The following RNF213 variants were observed in gnomAD, a reference collection of about 807,000 sequenced individuals.
The protein encoded by RNF213 is ring finger protein 213.
RNF213 carries 341 observed loss-of-function variants against 514.4 expected under a neutral mutation model. The ratio of observed to expected loss-of-function variants is 0.66; its 90% CI spans 0.61 to 0.73. The LOEUF is 0.73. Ranked by LOEUF, RNF213 falls within the 30% of genes least tolerant of loss-of-function variation. The pLI is 0.00. For missense variants in RNF213, 5,767 were observed against 6,615.6 expected, an observed-to-expected ratio of 0.87 and a Z score of 4.45; for synonymous variants, 2,655 against 2,658.2, an observed-to-expected ratio of 1.00 and a Z score of 0.04.
At position 80,363,642 on chromosome 17, in the gene RNF213, G is replaced by A. The variant is rs557407109; in HGVS notation, c.11602G>A (p.Glu3868Lys). Residue 3868 changes from glutamate to lysine, a missense_variant, in exon 41 of 68, where the codon GAG (glutamate) becomes AAG (lysine). By Grantham distance (56) the Glu-to-Lys change is moderately conservative. Transcript: ENST00000582970. ...CGCATTTGCCGCAATGGCCTGCACG[G>A]AGATGCTGACAAGAAACACCCTGAA... The part of the protein sequence containing the change: ...LDAFAAMACT[E>K]MLTRNTLKPS... 14 of 1,614,062 alleles carry A rather than the reference G, an allele frequency of 8.7e-6. No individual in the cohort carries two copies. The South Asian group carries it at 1.4e-4, about 16-fold the overall frequency.
At chr17:80,311,932 G>A (rs2045587149) in intron 14 of RNF213, among the ~76,000 whole-genome samples, 1 of 152,200 alleles carries the variant, frequency 6.6e-6, no homozygotes, top group Admixed American at 6.5e-5. Flanking sequence ...TTCGAGACCA[G>A]CCTGGCCAAC....
chr17:80,332,466 C>T lies in RNF213; in HGVS notation c.3978C>T (p.Thr1326=), dbSNP rs1160245805. 5.5e-5 allele frequency: 84 copies of T among 1,537,032 alleles called. No homozygotes were observed. The highest frequency in any genetic ancestry group is 3.3e-4 in the Middle Eastern group (2 of 5,988). The change falls in exon 21 of 68, where the codon ACC becomes ACT. Residue 1326 remains threonine (T), a synonymous_variant. Transcript: ENST00000582970. ...ATTCAGAACTTAAGATCATGTGCAC[C>T]GTGGACCACCAGGACCAAAGAGATT... ...DLDSELKIMC[T]VDHQDQRDWI... is the part of the protein sequence containing the mutation.
chr17:80,269,479 A>G (rs540253159), intron 2 of RNF213, among the ~76,000 whole-genome samples: 1 of 150,514 alleles, frequency 6.6e-6, no homozygotes, highest in East Asian at 2.0e-4. Flanking sequence ...CATCTATTCT[A>G]TCTATCCATC....
rs1817545523 is a variant in RNF213, at chr17:80,397,541, G to A, written c.*4043G>A. Reference sequence around the variant, plus strand: ...AAAGCACCGTGAAAATCCCTGTCCTGTTCTGTTCCGTTCTAATTACGGGTG... The same window carrying A: ...AAAGCACCGTGAAAATCCCTGTCCTATTCTGTTCCGTTCTAATTACGGGTG... On this transcript the variant is annotated 3_prime_UTR_variant, in exon 68 of 68. Transcript: ENST00000582970. The A allele has an allele frequency of 6.6e-6, 1 of 151,942 alleles. No homozygotes were observed. The highest frequency in any genetic ancestry group is 2.4e-5 in the African/African-American group (1 of 41,344). 9.4% of individuals were successfully genotyped at this position (151,942 alleles called of 1,614,324 possible). A position where few individuals can be genotyped will look rare whatever the true frequency, so the allele number is the denominator to read the frequency against.
chr17:80,391,988 G>A (rs760636682), intron 67 of RNF213, among the ~76,000 whole-genome samples: 2 of 151,686 alleles, frequency 1.3e-5, no homozygotes, highest in Admixed American at 6.6e-5. Context: ...GGCTGGTCTC[G>A]ATCTCCTGAC....
rs753603739 is a variant in RNF213 at position 80,347,487 on chromosome 17, C to T, written c.9152C>T (p.Ala3051Val). ...YLLVLTKNYV[A>V]LQILQQTFFE... ...CTCGTGCTGACCAAAAACTACGTGG[C>T]ACTGCAGATCCTGCAGCAGACATTC... Residue 3051 changes from alanine to valine, a missense_variant, in exon 29 of 68, where the codon GCA becomes GTA. Physicochemically the swap from Ala to Val is moderately conservative, Grantham distance 64. This residue lies in a region of RNF213 where 919 missense variants were observed against 1,121.0 expected (regional missense o/e 0.82). Coordinates refer to ENST00000582970, the MANE Select transcript of RNF213 (RefSeq NM_001256071.3). This position sits in a 1 kb window ranked among gnomAD's most constrained non-coding sequence, Gnocchi z 7.2. 2 of 1,614,074 alleles carry T rather than the reference C, an allele frequency of 1.2e-6. No homozygotes were observed. Among genetic ancestry groups the T allele is most frequent in the South Asian group, 2.2e-5 (2 of 91,090 alleles).
chr17:80,312,924 C>G, intron 14 of RNF213, 88 bp from the exon 15 acceptor site: 1 of 1,478,336 alleles, frequency 6.8e-7, no homozygotes, highest in Non-Finnish European at 9.4e-7. Flanking sequence ...CCTGTGCCAG[C>G]AGGGAGGAGA....
intron 15 of RNF213, among the ~76,000 whole-genome samples, 166 bp downstream of exon 15, chr17:80,313,333 T>C (rs1452706483): frequency 2.0e-5 from 3 of 152,242 alleles, no homozygotes; most frequent in Admixed American, 6.5e-5. Context: ...CCTGGCAGGG[T>C]GGCTCTGAGG....
At chr17:80,335,220 G>A (rs1226898497) in intron 22 of RNF213, among the ~76,000 whole-genome samples, 10 of 152,174 alleles carry the variant, frequency 6.6e-5, no homozygotes, top group Admixed American at 1.3e-4. Flanking sequence ...GTGAGCCACC[G>A]CGCCTGGCCC....
rs1247653621 is a variant in RNF213, at chr17:80,277,973, G to A, written c.261+4569G>A. On this transcript the variant is annotated intron_variant, in intron 3 of 67. Transcript: ENST00000582970. ...AAAGGGCGCACAGAGAGGGGCCCGC[G>A]CCTGTCCCTTGGCACAGCCATCCTC... Among the ~76,000 whole-genome samples, 3 of 152,228 alleles carry A rather than the reference G, an allele frequency of 2.0e-5. No homozygotes were observed. The East Asian group carries it at 5.8e-4, about 29-fold the overall frequency.
Position 80,363,273 on chromosome 17 carries a change from A to G in RNF213, c.11527A>G (p.Met3843Val), listed in dbSNP as rs1433703998. 1 of 1,614,020 alleles carries G rather than the reference A, an allele frequency of 6.2e-7. No homozygotes were observed. Among genetic ancestry groups the G allele is most frequent in the East Asian group, 2.2e-5 (1 of 44,868 alleles). ...TIYPQVLHSL[M>V]EARWNHELAG... is the part of the protein sequence containing the mutation. The stretch of plus-strand genomic sequence containing the variant: ...CTACCCTCAGGTTCTCCACAGCCTG[A>G]TGGAAGCCCGTTGGAACCATGAGCT... The change falls in exon 40 of 68, where the codon ATG becomes GTG. Residue 3843 changes from methionine (M) to valine (V), a missense_variant. Physicochemically the swap from Met to Val is conservative, Grantham distance 21. This residue lies in a region of RNF213 where 355 missense variants were observed against 358.0 expected (regional missense o/e 0.99). Transcript: ENST00000582970.
intron 17 of RNF213, among the ~76,000 whole-genome samples, chr17:80,324,053 T>A (rs751258272): frequency 6.6e-6 from 1 of 152,186 alleles, no homozygotes; most frequent in South Asian, 2.1e-4. Context: ...TGAATAGAGT[T>A]TCACTTCTTC....
chr17:80,351,869 T>A, intron 32 of RNF213, 66 bp downstream of exon 32: 2 of 931,986 alleles, frequency 2.1e-6, no homozygotes, highest in Non-Finnish European at 3.4e-6. Context: ...ATCTATTTAT[T>A]TTTTGAGATG....
intron 28 of RNF213, 70 bp from the exon 29 acceptor site, chr17:80,344,604 TGGAG>T (rs1393195249): frequency 7.2e-6 from 11 of 1,526,836 alleles, no homozygotes; most frequent in African/African-American, 2.7e-5. Flanking sequence ...ATAGATAACG[TGGAG>T]GGTTAAGACA....
intron 2 of RNF213, among the ~76,000 whole-genome samples, chr17:80,272,305 TAAAAA>T (rs748241428): frequency 6.6e-6 from 1 of 151,698 alleles, no homozygotes; most frequent in Non-Finnish European, 1.5e-5. Context: ...TAAAATAAAA[TAAAAA>T]AAGAAAAAGA....
In RNF213 at chr17:80,278,853, G is replaced by GTT. The variant is rs1264993126; in HGVS notation, c.261+5449_261+5450insTT. On this transcript the variant is annotated intron_variant, in intron 3 of 67. Coordinates refer to ENST00000582970, the MANE Select transcript of RNF213 (RefSeq NM_001256071.3). ...CTAATGCCATACCCAGCAAGAGAAGGAAGCAGGATGCAGCCCCGCTTGAGG... is the reference window on the plus strand; with the variant it reads ...CTAATGCCATACCCAGCAAGAGAAGGTTAAGCAGGATGCAGCCCCGCTTGAGG... The GTT allele has an allele frequency of 2.6e-6, 4 of 1,537,236 alleles. No homozygotes were observed. The South Asian group carries it at 4.8e-5, about 18-fold the overall frequency.
intron 30 of RNF213, 103 bp from the exon 31 acceptor site, chr17:80,350,198 G>A: frequency 1.2e-6 from 1 of 825,712 alleles, no homozygotes. Context: ...TACCTGAGTA[G>A]CTGTTTCTTT....
At position 80,388,684 on chromosome 17, in the gene RNF213, G is replaced by A. The variant is rs1358761389; in HGVS notation, c.14995G>A (p.Ala4999Thr). The part of the protein sequence containing the change: ...HLFMDIKNKM[A>T]QDSLPSSVIS... ...CTTTATGGACATCAAGAACAAAATG[G>A]CACAGGTGATCCCGATAAACCTGAT... The change falls in exon 64 of 68, where the codon GCA (alanine) becomes ACA (threonine). Residue 4999 changes from alanine to threonine, a missense_variant. Ala to Thr is a moderately conservative substitution (Grantham distance 58). Transcript: ENST00000582970. The A allele has an allele frequency of 6.2e-7, 1 of 1,608,154 alleles. No homozygotes were observed. Among genetic ancestry groups the A allele is most frequent in the Admixed American group, 1.7e-5 (1 of 60,006 alleles).
chr17:80,319,546 T>C, intron 17 of RNF213: 1 of 1,611,352 alleles, frequency 6.2e-7, no homozygotes, highest in Non-Finnish European at 8.5e-7. Context: ...ATGTGTTCCA[T>C]ATGGAATCAC....
Sources: gnomAD v4.1 joint callset for allele counts (sites outside exome capture counted in the v4.1 genomes callset) on GRCh38, gnomAD v4.1.1 for gene constraint, gnomAD v4.1.1 regional missense constraint, Gnocchi (gnomAD v3.1) non-coding constraint, MANE v1.5 for transcripts, NCBI Gene and HGNC (gene_info 2026-07-23, HGNC 2026-07-21) for gene names.